The following MRS2 variants were observed in gnomAD, a reference collection of about 807,000 sequenced individuals.
MRS2 encodes the protein magnesium transporter MRS2.
MRS2 carries 40 observed loss-of-function variants against 52.6 expected under a neutral mutation model. That is an observed-to-expected ratio of 0.76 (90% CI 0.59 to 0.99). The LOEUF (loss-of-function observed/expected upper bound fraction) is 0.99. Ranked by LOEUF, MRS2 falls within the 50% of genes least tolerant of loss-of-function variation. The pLI is 0.00. For missense variants in MRS2, 472 were observed against 532.7 expected (o/e 0.89, Z 1.12); for synonymous variants, 193 against 195.9 (o/e 0.98, Z 0.13).
intron 9 of MRS2, among the ~76,000 whole-genome samples, chr6:24,422,143 C>CAT (rs1762063862): frequency 6.7e-6 from 1 of 149,756 alleles, no homozygotes; most frequent in Non-Finnish European, 1.5e-5. Context: ...AGCAAGACTC[C>CAT]ATCTCAACAA....
chr6:24,423,517 T>C, intron 10 of MRS2, 67 bp from the exon 11 acceptor site: 1 of 833,034 alleles, frequency 1.2e-6, no homozygotes, highest in Non-Finnish European at 1.9e-6. Context: ...AGTTACATAA[T>C]ACATCATTTT....
rs1761823866 is a variant in MRS2, at chr6:24,415,657, G to A, written c.719+494G>A. 2.0e-5 allele frequency among the ~76,000 whole-genome samples: 3 copies of A among 152,070 alleles called. No homozygotes were observed. The South Asian group carries it at 6.2e-4, about 31-fold the overall frequency. On this transcript the variant is annotated intron_variant, in intron 6 of 10. Transcript: ENST00000378386. Reference sequence around the variant, plus strand: ...CAGTAGTTTCTTATCCAAAAATGTTGGAGTGTTTTTATCAGTTAAGAGTAA... The same window carrying A: ...CAGTAGTTTCTTATCCAAAAATGTTAGAGTGTTTTTATCAGTTAAGAGTAA...
chr6:24,407,711 G>A (rs1293938325), intron 2 of MRS2, among the ~76,000 whole-genome samples: 1 of 152,146 alleles, frequency 6.6e-6, no homozygotes, highest in Non-Finnish European at 1.5e-5. Context: ...TAGACATTTA[G>A]ATTCACAAGG....
In MRS2 at chr6:24,423,477, A is replaced by G. The variant is rs533702581; in HGVS notation, c.1222-107A>G. ...ACTGGAATAAATACTTAAGACACTG[A>G]TACTGCTTATAGTCCTTTCTTCACT... On this transcript the variant is annotated intron_variant, in intron 10 of 10. Coordinates refer to ENST00000378386, the MANE Select transcript of MRS2 (RefSeq NM_020662.4). 9 of 572,790 alleles carry G rather than the reference A, an allele frequency of 1.6e-5. No individual in the cohort carries two copies. In the East Asian group the frequency reaches 2.6e-4, roughly 17 times the overall value. The allele number at this position is 572,790 out of a possible 1,614,324, so 35.5% of individuals were successfully genotyped here.
At chr6:24,421,623 G>A (rs1185342196) in intron 9 of MRS2, among the ~76,000 whole-genome samples, 1 of 121,528 alleles carries the variant, frequency 8.2e-6, no homozygotes, top group African/African-American at 2.6e-5. Context: ...TTCTTTGCTA[G>A]CATACTTTAT....
intron 5 of MRS2, among the ~76,000 whole-genome samples, chr6:24,413,823 G>A (rs1404825530): frequency 6.6e-6 from 1 of 152,206 alleles, no homozygotes; most frequent in African/African-American, 2.4e-5. Flanking sequence ...GCTTGATTTA[G>A]TTAGTATATG....
chr6:24,408,343 G>T, intron 2 of MRS2, 65 bp from the exon 3 acceptor site: 1 of 1,012,246 alleles, frequency 9.9e-7, no homozygotes, highest in Non-Finnish European at 1.5e-6. Flanking sequence ...AACTAAATTA[G>T]CAATACCATA....
intron 1 of MRS2, among the ~76,000 whole-genome samples, chr6:24,404,632 A>C (rs1489123871): frequency 6.6e-6 from 1 of 151,712 alleles, no homozygotes; most frequent in Non-Finnish European, 1.5e-5. Flanking sequence ...TTGTCATTTC[A>C]GCTCAGTGGG....
intron 10 of MRS2, 67 bp downstream of exon 10, chr6:24,423,117 G>A (rs1175834274): frequency 1.2e-5 from 16 of 1,313,342 alleles, no homozygotes; most frequent in Middle Eastern, 3.7e-4. Context: ...AAGTCAGAGC[G>A]CCTGGGATTA....
Position 24,424,681 on chromosome 6 carries a change from G to A in MRS2, c.*987G>A, listed in dbSNP as rs1353493625. ...AAATATTTTCTGGAGGTTAAGTACAGTTAGGCACTAGAACATTTGTTAAGC... is the reference window on the plus strand; with the variant it reads ...AAATATTTTCTGGAGGTTAAGTACAATTAGGCACTAGAACATTTGTTAAGC... On this transcript the variant is annotated 3_prime_UTR_variant, in exon 11 of 11. Transcript: ENST00000378386. 2.6e-5 allele frequency: 4 copies of A among 152,294 alleles called. No homozygotes were observed. The highest frequency in any genetic ancestry group is 3.9e-4 in the East Asian group (2 of 5,188). 9.4% of individuals were successfully genotyped at this position (152,294 alleles called of 1,614,324 possible).
intron 10 of MRS2, 173 bp downstream of exon 10, chr6:24,423,223 G>A: frequency 1.8e-6 from 1 of 570,744 alleles, no homozygotes. Context: ...TGCTTCATAG[G>A]GTTATGGGAA....
At chr6:24,422,877 C>T in intron 9 of MRS2, 60 bp from the exon 10 acceptor site, 1 of 1,153,010 alleles carries the variant, frequency 8.7e-7, no homozygotes, top group Non-Finnish European at 1.3e-6. Context: ...AGTAACAATT[C>T]AAGGAATCTT....
At chr6:24,411,212 A>T (rs537811067) in intron 4 of MRS2, among the ~76,000 whole-genome samples, 1 of 152,076 alleles carries the variant, frequency 6.6e-6, no homozygotes, top group South Asian at 2.1e-4. Flanking sequence ...AGAAAAAAAA[A>T]TTCATGATAG....
chr6:24,420,980 G>T (rs976209471), intron 9 of MRS2, among the ~76,000 whole-genome samples: 1 of 152,114 alleles, frequency 6.6e-6, no homozygotes, highest in African/African-American at 2.4e-5. Context: ...TAGATCATTG[G>T]AAAGTTCAGA....
chr6:24,404,020 G>T (rs139504611), intron 1 of MRS2, among the ~76,000 whole-genome samples: 11 of 152,330 alleles, frequency 7.2e-5, no homozygotes, highest in African/African-American at 2.6e-4. Context: ...TTTCACAAAT[G>T]TGAGTGCAAA....
At chr6:24,409,271 CAT>C (rs1193251367) in intron 3 of MRS2, among the ~76,000 whole-genome samples, 188 bp from the exon 4 acceptor site, 1 of 152,118 alleles carries the variant, frequency 6.6e-6, no homozygotes, top group Non-Finnish European at 1.5e-5. Context: ...ATAAGAAAAT[CAT>C]TAGTTTGACT....
At chr6:24,410,136 A>G (rs7769012) in intron 4 of MRS2, among the ~76,000 whole-genome samples, 22 of 151,768 alleles carry the variant, frequency 1.4e-4, no homozygotes, top group African/African-American at 4.8e-4. Context: ...TAAGCCACCA[A>G]ACCCAGCTAA....
At chr6:24,409,899 G>A (rs1761596661) in intron 4 of MRS2, among the ~76,000 whole-genome samples, 1 of 152,158 alleles carries the variant, frequency 6.6e-6, no homozygotes, top group African/African-American at 2.4e-5. Context: ...ATCCAATTGT[G>A]TACAGTTACA....
rs1055317424 is a variant in MRS2 at position 24,425,364 on chromosome 6, G to A, written c.*1670G>A. ...TTGCAGTTTTATTGACTTAGTTTAT[G>A]AGCTTGGATAAAATAATTTTTTGAT... is the stretch of plus-strand genomic sequence containing the variant. On this transcript the variant is annotated 3_prime_UTR_variant, in exon 11 of 11. Transcript: ENST00000378386. 8 of 152,160 alleles carry A rather than the reference G, an allele frequency of 5.3e-5. No individual in the cohort carries two copies. The allele number at this position is 152,160 out of a possible 1,614,324, so 9.4% of individuals were successfully genotyped here. A position where few individuals can be genotyped will look rare whatever the true frequency, so the allele number is the denominator to read the frequency against.
Sources: allele counts gnomAD v4.1 joint callset (sites outside exome capture counted in the v4.1 genomes callset), GRCh38; gene constraint gnomAD v4.1.1; transcripts MANE v1.5; gene names NCBI Gene and HGNC (gene_info 2026-07-23, HGNC 2026-07-21).